The following FSTL5 variants were observed in gnomAD, a reference collection of about 807,000 sequenced individuals.
The protein encoded by FSTL5 is follistatin-related protein 5.
In FSTL5, 62 loss-of-function variants were observed where a neutral mutation model predicts 89.1. That is an observed-to-expected ratio of 0.70 (90% confidence interval 0.57 to 0.86). The LOEUF is 0.86. FSTL5 is among the 40% of genes least tolerant of loss of function. The pLI, the probability that FSTL5 is intolerant of heterozygous loss-of-function variation, is 0.00. For synonymous variants in FSTL5, 383 were observed against 346.2 expected (o/e 1.11, Z -1.18); for missense variants, 1,057 against 1,001.6 (o/e 1.06, Z -0.75).
At chr4:161,818,567 C>T (rs1330157170) in intron 4 of FSTL5, among the ~76,000 whole-genome samples, 2 of 152,178 alleles carry the variant, frequency 1.3e-5, no homozygotes, top group Non-Finnish European at 2.9e-5. Flanking sequence ...AGCCCCACAG[C>T]CTACCTGTCT....
chr4:161,766,333 G>A (rs1865398), intron 5 of FSTL5, among the ~76,000 whole-genome samples: 81,089 of 151,900 alleles, frequency 0.53, 25,221 homozygotes, highest in Non-Finnish European at 0.7. Flanking sequence ...AACTGAGGCC[G>A]CCATTCTACC....
intron 3 of FSTL5, among the ~76,000 whole-genome samples, chr4:161,932,308 T>A (rs1361829476): frequency 6.6e-6 from 1 of 151,888 alleles, no homozygotes; most frequent in Non-Finnish European, 1.5e-5. Context: ...TTTCCACCCA[T>A]AACAAGAGAC....
chr4:161,409,771 C>T (rs1731524499), intron 15 of FSTL5, among the ~76,000 whole-genome samples: 1 of 152,292 alleles, frequency 6.6e-6, no homozygotes, highest in Non-Finnish European at 1.5e-5. Context: ...ACCACAAAAG[C>T]ACACATGAAC....
intron 3 of FSTL5, among the ~76,000 whole-genome samples, chr4:161,992,968 G>A (rs376323432): frequency 0.04 from 4,260 of 107,472 alleles, 422 homozygotes; most frequent in East Asian, 0.12. Flanking sequence ...ATATATGTGT[G>A]TATATATATA....
intron 6 of FSTL5, among the ~76,000 whole-genome samples, chr4:161,711,293 G>C (rs1325543174): frequency 6.6e-6 from 1 of 151,774 alleles, no homozygotes; most frequent in East Asian, 1.9e-4. Flanking sequence ...GAAAAAAAGA[G>C]AAAAGGCTCA....
intron 10 of FSTL5, among the ~76,000 whole-genome samples, chr4:161,533,014 A>C (rs1033531233): frequency 4.6e-5 from 7 of 152,084 alleles, no homozygotes; most frequent in Non-Finnish European, 1.0e-4. Context: ...GAAATAAAAA[A>C]AAATCTTTGA....
chr4:161,703,556 C>T (rs1738474087), intron 6 of FSTL5, among the ~76,000 whole-genome samples: 1 of 151,942 alleles, frequency 6.6e-6, no homozygotes, highest in African/African-American at 2.4e-5. Context: ...AGTTTTGTTC[C>T]CTCCATATGT....
chr4:162,063,324 TA>T (rs943098556), intron 2 of FSTL5, among the ~76,000 whole-genome samples: 4 of 151,802 alleles, frequency 2.6e-5, no homozygotes, highest in African/African-American at 9.7e-5. Flanking sequence ...TGAAGTTTTA[TA>T]AACTTCTCTT....
chr4:161,818,137 GA>G (rs1730384415), intron 4 of FSTL5, among the ~76,000 whole-genome samples: 1 of 152,158 alleles, frequency 6.6e-6, no homozygotes, highest in Non-Finnish European at 1.5e-5. Flanking sequence ...CAGGCAGCTG[GA>G]CATCAAGAAG....
At position 161,481,109 on chromosome 4, in the gene FSTL5, C is replaced by A. The variant is rs1485754097; in HGVS notation, c.1519G>T (p.Val507Phe). 10 of 1,612,872 alleles carry A rather than the reference C, an allele frequency of 6.2e-6. No homozygotes were observed. Among genetic ancestry groups the A allele is most frequent in the African/African-American group, 1.3e-5 (1 of 74,882 alleles). The stretch of plus-strand genomic sequence containing the variant: ...TAAATGAACTTGTCTTTGACATTAA[C>A]AGCTGATGCCCACACACACCTCTGA... Reference protein sequence around the residue: ...EVQRCVWASAVNVKDKFIYVA... With the variant: ...EVQRCVWASAFNVKDKFIYVA... Residue 507 changes from valine (V) to phenylalanine (F), a missense_variant, in exon 13 of 16, where the codon GTT becomes TTT. Physicochemically the swap from Val to Phe is conservative, Grantham distance 50. Coordinates refer to ENST00000306100, the MANE Select transcript of FSTL5 (RefSeq NM_020116.5).
At chr4:161,734,220 TA>T (rs1013766134) in intron 6 of FSTL5, among the ~76,000 whole-genome samples, 2 of 152,132 alleles carry the variant, frequency 1.3e-5, no homozygotes, top group East Asian at 3.9e-4. Flanking sequence ...GGATTTTAAA[TA>T]AAAAAATAAG....
chr4:161,480,063 T>C (rs1237918852), intron 13 of FSTL5, among the ~76,000 whole-genome samples: 1 of 152,098 alleles, frequency 6.6e-6, no homozygotes, highest in Non-Finnish European at 1.5e-5. Flanking sequence ...TAGACAGAAA[T>C]CAAAATTAGA....
chr4:161,535,002 G>A (rs1413203406), intron 10 of FSTL5, among the ~76,000 whole-genome samples: 3 of 152,062 alleles, frequency 2.0e-5, no homozygotes, highest in Non-Finnish European at 4.4e-5. Flanking sequence ...ATCATCTTGC[G>A]ATAACTGGCT....
intron 15 of FSTL5, among the ~76,000 whole-genome samples, chr4:161,450,765 CAG>C (rs1181754328): frequency 7.8e-6 from 1 of 128,794 alleles, no homozygotes; most frequent in Non-Finnish European, 1.6e-5. Flanking sequence ...TTTTTTGAGA[CAG>C]AGTCTCACTC....
At chr4:161,595,367 C>T (rs1733975940) in intron 7 of FSTL5, among the ~76,000 whole-genome samples, 1 of 151,920 alleles carries the variant, frequency 6.6e-6, no homozygotes, top group African/African-American at 2.4e-5. Flanking sequence ...ATCTTACTGC[C>T]AATGGACACT....
chr4:162,029,166 AGT>A (rs10604800), intron 3 of FSTL5, among the ~76,000 whole-genome samples: 12,906 of 120,504 alleles, frequency 0.11, 1,274 homozygotes, highest in East Asian at 0.27. Flanking sequence ...AGAGAGAGAG[AGT>A]GTGTGTGTGT....
intron 4 of FSTL5, among the ~76,000 whole-genome samples, chr4:161,848,310 A>T (rs1018997487): frequency 5.3e-5 from 8 of 152,092 alleles, no homozygotes; most frequent in Non-Finnish European, 1.2e-4. Flanking sequence ...TGATTTCTTG[A>T]TTATTTTAGC....
At chr4:161,895,913 G>A (rs569123244) in intron 4 of FSTL5, among the ~76,000 whole-genome samples, 1 of 151,790 alleles carries the variant, frequency 6.6e-6, no homozygotes, top group Non-Finnish European at 1.5e-5. Flanking sequence ...AATATAGGGG[G>A]GCATATCTAC....
intron 7 of FSTL5, among the ~76,000 whole-genome samples, chr4:161,609,127 C>T (rs1734555167): frequency 6.6e-6 from 1 of 151,936 alleles, no homozygotes; most frequent in Admixed American, 6.6e-5. Context: ...CTGTTTAGTT[C>T]ACTGTGTTAG....
Sources: allele counts gnomAD v4.1 joint callset (sites outside exome capture counted in the v4.1 genomes callset), GRCh38; gene constraint gnomAD v4.1.1; transcripts MANE v1.5; gene names NCBI Gene and HGNC (gene_info 2026-07-23, HGNC 2026-07-21).